TNMD: variants seen among roughly 807,000 people sequenced by gnomAD.
The protein encoded by TNMD is tenomodulin.
A neutral mutation model predicts 26.9 loss-of-function variants in TNMD; 15 were observed. That is an observed-to-expected ratio of 0.56 (90% CI 0.37 to 0.86). The LOEUF (loss-of-function observed/expected upper bound fraction) is 0.86. Among genes scored for constraint, TNMD ranks in the 40% least tolerant of loss-of-function variants. TNMD has a pLI of 0.00. For synonymous variants in TNMD, 73 were observed against 77.0 expected, an observed-to-expected ratio of 0.95 and a Z score of 0.27; for missense variants, 222 against 242.6, an observed-to-expected ratio of 0.92 and a Z score of 0.56.
rs917637100 is a variant in TNMD at position 100,599,744 on chromosome X, A to C, written c.*27A>C. ...AGGAGGTTTGAGCTCAAATGCTTAAACTGCTGGCAACATATAATAAATGCA... is the reference window on the plus strand; with the variant it reads ...AGGAGGTTTGAGCTCAAATGCTTAACCTGCTGGCAACATATAATAAATGCA... On this transcript the variant is annotated 3_prime_UTR_variant, in exon 7 of 7. Transcript: ENST00000373031. 1 of 1,165,852 alleles carries C rather than the reference A, an allele frequency of 8.6e-7. No individual in the cohort carries two copies. Among genetic ancestry groups the C allele is most frequent in the African/African-American group, 1.8e-5 (1 of 56,843 alleles).
intron 6 of TNMD, 74 bp from the exon 7 acceptor site, chrX:100,599,434 T>C: frequency 1.1e-6 from 1 of 947,682 alleles, no homozygotes; most frequent in Non-Finnish European, 1.5e-6. Context: ...CTTCTAGTTC[T>C]CCCCTGCTTG....
chrX:100,597,870 C>T (rs2082957370), intron 5 of TNMD, among the ~76,000 whole-genome samples: 1 of 111,994 alleles, frequency 8.9e-6, no homozygotes, highest in African/African-American at 3.2e-5. Context: ...TTAAATATCC[C>T]AGCAAAGGTA....
intron 2 of TNMD, among the ~76,000 whole-genome samples, chrX:100,591,591 C>T (rs770373168): frequency 9.9e-5 from 11 of 111,461 alleles, no homozygotes; most frequent in South Asian, 7.7e-4. Context: ...TCTTCCTAGA[C>T]GAAGAACAGT....
At position 100,599,767 on chromosome X, in the gene TNMD, G is replaced by A. The variant is rs745372429; in HGVS notation, c.*50G>A. 9.0e-7 allele frequency: 1 copy of A among 1,110,382 alleles called. No homozygotes were observed. Among genetic ancestry groups the A allele is most frequent in the Non-Finnish European group, 1.2e-6 (1 of 812,279 alleles). 91.5% of individuals were successfully genotyped at this position (1,110,382 alleles called of 1,213,427 possible). ...AAACTGCTGGCAACATATAATAAAT[G>A]CATGCTATTCAATGAATTTCTGCCT... On this transcript the variant is annotated 3_prime_UTR_variant, in exon 7 of 7. Coordinates refer to ENST00000373031, the MANE Select transcript of TNMD (RefSeq NM_022144.3).
chrX:100,586,133 A>G (rs956183457), intron 2 of TNMD, among the ~76,000 whole-genome samples: 20 of 112,654 alleles, frequency 1.8e-4, no homozygotes, highest in Non-Finnish European at 3.4e-4. Flanking sequence ...AAATAAAACC[A>G]TAGTCCCAAA....
In TNMD at chrX:100,594,257, A is replaced by G. The variant is rs779320174; in HGVS notation, c.322-4A>G. On this transcript the variant is annotated splice_polypyrimidine_tract_variant and splice_region_variant and intron_variant, in intron 3 of 6. Coordinates refer to ENST00000373031, the MANE Select transcript of TNMD (RefSeq NM_022144.3). ...GCTTTATTGTTGTTTTGTCTGTTTT[A>G]TAGGGATACACTGGCATCTACTTCG... 4.3e-6 allele frequency: 5 copies of G among 1,168,846 alleles called. No individual in the cohort carries two copies. The highest frequency in any genetic ancestry group is 4.6e-6 in the Non-Finnish European group (4 of 866,379).
rs755288765 is a variant in TNMD, at chrX:100,597,601, T to C, written c.521T>C (p.Ile174Thr). 8.3e-7 allele frequency: 1 copy of C among 1,211,153 alleles called. No homozygotes were observed. ...ENRDFLKNSK[I>T]LEICDNVTMY... is the part of the protein sequence containing the mutation. Reference sequence around the variant, plus strand: ...CGAGATTTTCTTAAAAATTCCAAAATTCTGGAGATTTGTGATAACGTGACC... The same window carrying C: ...CGAGATTTTCTTAAAAATTCCAAAACTCTGGAGATTTGTGATAACGTGACC... Residue 174 changes from isoleucine to threonine, a missense_variant, in exon 5 of 7, where the codon ATT (isoleucine) becomes ACT (threonine). Physicochemically the swap from Ile to Thr is moderately conservative, Grantham distance 89 (BLOSUM62 -1). Transcript: ENST00000373031.
At chrX:100,597,356 G>T in intron 4 of TNMD, 148 bp from the exon 5 acceptor site, 1 of 653,437 alleles carries the variant, frequency 1.5e-6, no homozygotes, top group East Asian at 3.5e-5. Flanking sequence ...GGCACCCACT[G>T]AATGCAAGGC....
chrX:100,593,963 T>G lies in TNMD; in HGVS notation c.249T>G (p.Pro83=), dbSNP rs781289023. 2.5e-6 allele frequency: 3 copies of G among 1,208,141 alleles called. No homozygotes were observed. The African/African-American group carries it at 5.3e-5, about 21-fold the overall frequency. ...AGAAGATTTACATGGAAATTGATCCTGTGACCAGAACTGAAATATTCAGAA... is the reference window on the plus strand; with the variant it reads ...AGAAGATTTACATGGAAATTGATCCGGTGACCAGAACTGAAATATTCAGAA... ...EKKKIYMEID[P]VTRTEIFRSG... is the part of the protein sequence containing the mutation. Residue 83 remains proline (P), a synonymous_variant, in exon 3 of 7, where the codon CCT becomes CCG. Transcript: ENST00000373031.
intron 2 of TNMD, among the ~76,000 whole-genome samples, chrX:100,588,625 C>T (rs988352512): frequency 8.9e-6 from 1 of 111,926 alleles, no homozygotes; most frequent in Non-Finnish European, 1.9e-5. Flanking sequence ...CTTAAAGCCC[C>T]CTGTATTACA....
chrX:100,598,216 C>A (rs1300587077), intron 5 of TNMD, among the ~76,000 whole-genome samples: 2 of 111,412 alleles, frequency 1.8e-5, no homozygotes, highest in Admixed American at 1.9e-4. Context: ...GTAAAGGCCC[C>A]TGGATGTCTT....
In TNMD at chrX:100,599,832, A is replaced by T; in HGVS notation, c.*115A>T. 1.6e-6 allele frequency: 1 copy of T among 620,736 alleles called. No individual in the cohort carries two copies. The allele number at this position is 620,736 out of a possible 1,213,427, so 51.2% of individuals were successfully genotyped here. On this transcript the variant is annotated 3_prime_UTR_variant, in exon 7 of 7. Coordinates refer to ENST00000373031, the MANE Select transcript of TNMD (RefSeq NM_022144.3). ...CCCTGGTAGCCAGCTCTCCAGAATT[A>T]CTTGTAGGTAATTCCTCTCTTCATG...
chrX:100,595,268 T>C lies in TNMD; in HGVS notation c.423+906T>C, dbSNP rs146979072. 7.6e-3 allele frequency among the ~76,000 whole-genome samples: 823 copies of C among 108,545 alleles called. 11 individuals are homozygous for C. Among genetic ancestry groups the C allele is most frequent in the African/African-American group, 0.026 (782 of 30,058 alleles). 94.3% of individuals were successfully genotyped at this position (108,545 alleles called of 115,157 possible). A position where few individuals can be genotyped will look rare whatever the true frequency, so the allele number is the denominator to read the frequency against. On this transcript the variant is annotated intron_variant, in intron 4 of 6. Transcript: ENST00000373031. ...AATTATGGCAATGGCAGAATGATCT[T>C]TCTTCTTCTTCTTCTTCTTCTTTGT...
In TNMD at chrX:100,599,152, A is replaced by C. The variant is rs34184212; in HGVS notation, c.714A>C (p.Ala238=). 2,183 of 1,198,065 alleles carry C rather than the reference A, an allele frequency of 1.8e-3. 6 individuals are homozygous for C. The highest frequency in any genetic ancestry group is 3.7e-3 in the South Asian group (197 of 53,706). The change falls in exon 6 of 7, where the codon GCA becomes GCC. Residue 238 remains alanine (A), a synonymous_variant. Transcript: ENST00000373031. Reference sequence around the variant, plus strand: ...AGAAGACCCGTCACGCCAGACAAGCAAGTGAGGAAGAACTTCCAATAAATG... The same window carrying C: ...AGAAGACCCGTCACGCCAGACAAGCCAGTGAGGAAGAACTTCCAATAAATG... ...KVEKTRHARQ[A]SEEELPINDY...
intron 6 of TNMD, 109 bp downstream of exon 6, chrX:100,599,291 C>CAA (rs58182382): frequency 1.5e-4 from 97 of 636,735 alleles, no homozygotes; most frequent in African/African-American, 1.1e-3. Context: ...ATGGCTTTAA[C>CAA]AAAAAAAAAA....
chrX:100,586,289 G>T (rs2082921819), intron 2 of TNMD, among the ~76,000 whole-genome samples: 1 of 112,079 alleles, frequency 8.9e-6, no homozygotes. Context: ...TGTTATTACT[G>T]TTGTTAATTG....
intron 2 of TNMD, 23 bp downstream of exon 2, chrX:100,585,385 C>T: frequency 8.4e-7 from 1 of 1,187,268 alleles, no homozygotes; most frequent in Non-Finnish European, 1.1e-6. Context: ...ACATCATAAT[C>T]TGATGCTTCT....
rs1229257227 is a variant in TNMD at position 100,597,497 on chromosome X, C to G, written c.424-7C>G. The G allele has an allele frequency of 8.3e-7, 1 of 1,209,622 alleles. No individual in the cohort carries two copies. ...AATCCCTACCCTAAGCTACTTTCTTCTTTCAGAATGAAGAAATTACCACAA... is the reference window on the plus strand; with the variant it reads ...AATCCCTACCCTAAGCTACTTTCTTGTTTCAGAATGAAGAAATTACCACAA... On this transcript the variant is annotated splice_region_variant and splice_polypyrimidine_tract_variant and intron_variant, in intron 4 of 6. Transcript: ENST00000373031.
chrX:100,588,450 T>TA lies in TNMD; in HGVS notation c.180+3091dup, dbSNP rs1298602019. 1.0e-3 allele frequency among the ~76,000 whole-genome samples: 112 copies of TA among 111,573 alleles called. 1 individual carries two copies. Among genetic ancestry groups the TA allele is most frequent in the African/African-American group, 3.4e-3 (103 of 30,726 alleles). On this transcript the variant is annotated intron_variant, in intron 2 of 6. Coordinates refer to ENST00000373031, the MANE Select transcript of TNMD (RefSeq NM_022144.3). ...AGCCACATACAGGAGCCACCTGAGC[T>TA]AAATGAAAGCCAGGTCCATCCAGCT...
Sources: gnomAD v4.1 joint callset for allele counts (sites outside exome capture counted in the v4.1 genomes callset) on GRCh38, gnomAD v4.1.1 for gene constraint, MANE v1.5 for transcripts, NCBI Gene and HGNC (gene_info 2026-07-23, HGNC 2026-07-21) for gene names.